FOXK1: variants seen among roughly 807,000 people sequenced by gnomAD.
FOXK1 encodes the protein forkhead box protein K1.
A neutral mutation model predicts 51.9 loss-of-function variants in FOXK1; 19 were observed. The observed-to-expected ratio is 0.37, with a 90% confidence interval of 0.26 to 0.54. FOXK1 has a LOEUF of 0.54. FOXK1 is among the 20% of genes least tolerant of loss of function. FOXK1 has a pLI of 0.87. For missense variants in FOXK1, 870 were observed against 1,032.7 expected (o/e 0.84, Z 2.16); for synonymous variants, 537 against 482.6 (o/e 1.11, Z -1.48).
Position 4,711,160 on chromosome 7 carries a change from G to A in FOXK1, c.560+28292G>A, listed in dbSNP as rs986534948. ...CTTCTTCTACTCAAGCATGATGTCC[G>A]TTCCTGATGCCTTGCCCCGGGCAGC... is the stretch of plus-strand genomic sequence containing the variant. On this transcript the variant is annotated intron_variant, in intron 1 of 8. Coordinates refer to ENST00000328914, the MANE Select transcript of FOXK1 (RefSeq NM_001037165.2). The surrounding 1 kb of genome is among the most constrained non-coding windows in gnomAD (Gnocchi z 6.3). 8.5e-5 allele frequency among the ~76,000 whole-genome samples: 13 copies of A among 152,168 alleles called. No homozygotes were observed. Among genetic ancestry groups the A allele is most frequent in the African/African-American group, 2.2e-4 (9 of 41,440 alleles).
At position 4,703,104 on chromosome 7, in the gene FOXK1, GGGGCT is replaced by G. The variant is rs975400196; in HGVS notation, c.560+20254_560+20258del. Among the ~76,000 whole-genome samples the G allele has an allele frequency of 9.9e-5, 15 of 152,158 alleles. No homozygotes were observed. Among genetic ancestry groups the G allele is most frequent in the Admixed American group, 4.6e-4 (7 of 15,274 alleles). On this transcript the variant is annotated intron_variant, in intron 1 of 8. Coordinates refer to ENST00000328914, the MANE Select transcript of FOXK1 (RefSeq NM_001037165.2). The surrounding 1 kb of genome is among the most constrained non-coding windows in gnomAD (Gnocchi z 5.6). ...GCTGGGTGAGAGTGCCTCTGTGTCG[GGGGCT>G]GGGCTGGGCTGGGCTGGACTGGGAA...
chr7:4,754,412 C>T (rs1193667432), intron 2 of FOXK1, 47 bp from the exon 3 acceptor site: 2 of 1,593,664 alleles, frequency 1.3e-6, no homozygotes, highest in Admixed American at 1.7e-5. Flanking sequence ...CCCACAGGGG[C>T]CCCCTCTTCA....
In FOXK1 at chr7:4,723,734, C is replaced by T. The variant is rs772500970; in HGVS notation, c.561-17104C>T. Among the ~76,000 whole-genome samples, 3 of 152,242 alleles carry T rather than the reference C, an allele frequency of 2.0e-5. No individual in the cohort carries two copies. The highest frequency in any genetic ancestry group is 1.3e-4 in the Admixed American group (2 of 15,290). ...CCAGGCTGGAGTGCAGTGGTGCAAT[C>T]GTAGCTCACTGCAGCCTCAACCTCC... is the stretch of plus-strand genomic sequence containing the variant. On this transcript the variant is annotated intron_variant, in intron 1 of 8. Coordinates refer to ENST00000328914, the MANE Select transcript of FOXK1 (RefSeq NM_001037165.2). The surrounding 1 kb of genome is among the most constrained non-coding windows in gnomAD (Gnocchi z 4.7).
Position 4,755,443 on chromosome 7 carries a change from A to G in FOXK1, c.1050+60A>G, listed in dbSNP as rs941552087. 182 of 1,586,920 alleles carry G rather than the reference A, an allele frequency of 1.1e-4. No individual in the cohort carries two copies. The highest frequency in any genetic ancestry group is 1.4e-4 in the Non-Finnish European group (163 of 1,163,652). On this transcript the variant is annotated intron_variant, in intron 4 of 8. Coordinates refer to ENST00000328914, the MANE Select transcript of FOXK1 (RefSeq NM_001037165.2). The surrounding 1 kb of genome is among the most constrained non-coding windows in gnomAD (Gnocchi z 6.6). ...AAGGCCCTTAGAACATGGAACTCAC[A>G]GGCATATTGCTTCCCTTAAAACAGA...
Position 4,733,576 on chromosome 7 carries a change from A to G in FOXK1, c.561-7262A>G, listed in dbSNP as rs1780509871. ...TCATGGTTGCAAGAGGGGCAGAGAA[A>G]CATGGTCTTCAGTTGGGTGGACGTT... is the stretch of plus-strand genomic sequence containing the variant. On this transcript the variant is annotated intron_variant, in intron 1 of 8. Coordinates refer to ENST00000328914, the MANE Select transcript of FOXK1 (RefSeq NM_001037165.2). The surrounding 1 kb of genome is among the most constrained non-coding windows in gnomAD (Gnocchi z 5.0). Among the ~76,000 whole-genome samples the G allele has an allele frequency of 6.6e-6, 1 of 152,234 alleles. No homozygotes were observed. The highest frequency in any genetic ancestry group is 6.5e-5 in the Admixed American group (1 of 15,284).
chr7:4,770,114 T>C lies in FOXK1; in HGVS notation c.*7650T>C, dbSNP rs1298365142. ...AGAGACTCTGAATTAGAGTTTTTGT[T>C]TGTTTGTTTGTTCTCTGCATGAAGT... On this transcript the variant is annotated 3_prime_UTR_variant, in exon 9 of 9. Coordinates refer to ENST00000328914, the MANE Select transcript of FOXK1 (RefSeq NM_001037165.2). 1 of 152,256 alleles carries C rather than the reference T, an allele frequency of 6.6e-6. No individual in the cohort carries two copies. Among genetic ancestry groups the C allele is most frequent in the East Asian group, 1.9e-4 (1 of 5,204 alleles). 9.4% of individuals were successfully genotyped at this position (152,256 alleles called of 1,614,324 possible). A position where few individuals can be genotyped will look rare whatever the true frequency, so the allele number is the denominator to read the frequency against.
At chr7:4,744,781 C>T (rs1239383680) in intron 2 of FOXK1, among the ~76,000 whole-genome samples, 3 of 152,250 alleles carry the variant, frequency 2.0e-5, no homozygotes, top group Non-Finnish European at 4.4e-5. Context: ...CCCCTTTCCC[C>T]TCCTTCCGCC....
Position 4,758,759 on chromosome 7 carries a change from G to A in FOXK1, c.1245-292G>A. 2.6e-6 allele frequency: 1 copy of A among 387,076 alleles called. No individual in the cohort carries two copies. Among genetic ancestry groups the A allele is most frequent in the Non-Finnish European group, 4.6e-6 (1 of 216,238 alleles). The allele number at this position is 387,076 out of a possible 1,614,324, so 24.0% of individuals were successfully genotyped here. ...CCTGGGCCATTTTCATGGACACCTG[G>A]CTGGACCTCGGTGGAAGTGAACTCC... On this transcript the variant is annotated intron_variant, in intron 5 of 8. Coordinates refer to ENST00000328914, the MANE Select transcript of FOXK1 (RefSeq NM_001037165.2). The surrounding 1 kb of genome is among the most constrained non-coding windows in gnomAD (Gnocchi z 4.4).
At chr7:4,760,025 G>T in intron 7 of FOXK1, 2 of 165,418 alleles carry the variant, frequency 1.2e-5, no homozygotes, top group Non-Finnish European at 1.2e-5. Flanking sequence ...GCAAAACCCT[G>T]TCTCAAAAAA....
chr7:4,732,775 G>A (rs921406717), intron 1 of FOXK1, among the ~76,000 whole-genome samples: 5 of 152,200 alleles, frequency 3.3e-5, no homozygotes, highest in Non-Finnish European at 5.9e-5. Context: ...ATGGCTTTCC[G>A]TTAGAGAAGA....
rs1781041338 is a variant in FOXK1, at chr7:4,768,117, ACTT to A, written c.*5657_*5659del. 2 of 109,468 alleles carry A rather than the reference ACTT, an allele frequency of 1.8e-5. No individual in the cohort carries two copies. Among genetic ancestry groups the A allele is most frequent in the African/African-American group, 3.9e-5 (1 of 25,734 alleles). The allele number at this position is 109,468 out of a possible 1,614,324, so 6.8% of individuals were successfully genotyped here. A position where few individuals can be genotyped will look rare whatever the true frequency, so the allele number is the denominator to read the frequency against. On this transcript the variant is annotated 3_prime_UTR_variant, in exon 9 of 9. Transcript: ENST00000328914. ...TTTTAAAAACAGACCCATTTCACTG[ACTT>A]CTTTTTTTTTTTTTTTTTTTTTTTT...
intron 1 of FOXK1, among the ~76,000 whole-genome samples, chr7:4,699,492 C>G (rs1373961049): frequency 6.6e-6 from 1 of 151,922 alleles, no homozygotes; most frequent in Non-Finnish European, 1.5e-5. Context: ...GTCAGCCTCC[C>G]GAGTAGCTGG....
Position 4,755,852 on chromosome 7 carries a change from CTTTT to C in FOXK1, c.1050+472_1050+475del, listed in dbSNP as rs945515941. On this transcript the variant is annotated intron_variant, in intron 4 of 8. Coordinates refer to ENST00000328914, the MANE Select transcript of FOXK1 (RefSeq NM_001037165.2). This position sits in a 1 kb window ranked among gnomAD's most constrained non-coding sequence, Gnocchi z 6.6. ...TGTGATACCATTGTGTCTAAATACT[CTTTT>C]TTATTAGTTTCCTTCTTCTGAGCCC... is the stretch of plus-strand genomic sequence containing the variant. Among the ~76,000 whole-genome samples, 2 of 152,196 alleles carry C rather than the reference CTTTT, an allele frequency of 1.3e-5. No homozygotes were observed. Among genetic ancestry groups the C allele is most frequent in the African/African-American group, 4.8e-5 (2 of 41,458 alleles).
rs549408288 is a variant in FOXK1 at position 4,734,586 on chromosome 7, C to T, written c.561-6252C>T. On this transcript the variant is annotated intron_variant, in intron 1 of 8. Transcript: ENST00000328914. The surrounding 1 kb of genome is among the most constrained non-coding windows in gnomAD (Gnocchi z 5.2). Reference sequence around the variant, plus strand: ...CCCACCCCCCCGCTGCCCAAGTGTGCGTGGGCATCGGTGCACGGGGCTCCC... The same window carrying T: ...CCCACCCCCCCGCTGCCCAAGTGTGTGTGGGCATCGGTGCACGGGGCTCCC... Among the ~76,000 whole-genome samples the T allele has an allele frequency of 1.8e-4, 28 of 152,290 alleles. No individual in the cohort carries two copies. The highest frequency in any genetic ancestry group is 4.6e-4 in the African/African-American group (19 of 41,572).
chr7:4,717,008 A>T (rs1219248765), intron 1 of FOXK1, among the ~76,000 whole-genome samples: 2 of 135,778 alleles, frequency 1.5e-5, no homozygotes, highest in African/African-American at 5.7e-5. Flanking sequence ...CGTGGCTGGA[A>T]GGTAGTGGTG....
chr7:4,713,576 C>T (rs1780200945), intron 1 of FOXK1, among the ~76,000 whole-genome samples: 1 of 151,880 alleles, frequency 6.6e-6, no homozygotes, highest in African/African-American at 2.4e-5. Context: ...ACCACAACCT[C>T]CCCCTCCTGG....
chr7:4,732,758 G>GGCGA (rs1377414162), intron 1 of FOXK1, among the ~76,000 whole-genome samples: 2 of 152,218 alleles, frequency 1.3e-5, no homozygotes, highest in Non-Finnish European at 2.9e-5. Flanking sequence ...CCCTGTTGTA[G>GGCGA]ACACACATGG....
chr7:4,755,172 CGGGT>C lies in FOXK1; in HGVS notation c.904-57_904-54del. 6.3e-7 allele frequency: 1 copy of C among 1,577,914 alleles called. No homozygotes were observed. The highest frequency in any genetic ancestry group is 8.6e-7 in the Non-Finnish European group (1 of 1,156,414). On this transcript the variant is annotated intron_variant, in intron 3 of 8. Coordinates refer to ENST00000328914, the MANE Select transcript of FOXK1 (RefSeq NM_001037165.2). The surrounding 1 kb of genome is among the most constrained non-coding windows in gnomAD (Gnocchi z 6.6). ...GAAGGTTCCTCCCCATCAGCTGTGA[CGGGT>C]GGGTGGGGTAGACTCAGGGACCTTG...
intron 1 of FOXK1, among the ~76,000 whole-genome samples, chr7:4,689,633 A>C (rs537005287): frequency 3.2e-4 from 48 of 152,318 alleles, no homozygotes; most frequent in African/African-American, 7.0e-4. Context: ...TCTCATGGCT[A>C]TTTCCAACTA....
Sources: allele counts gnomAD v4.1 joint callset (sites outside exome capture counted in the v4.1 genomes callset), GRCh38; gene constraint gnomAD v4.1.1; non-coding constraint Gnocchi (gnomAD v3.1); transcripts MANE v1.5; gene names NCBI Gene and HGNC (gene_info 2026-07-23, HGNC 2026-07-21).